The following ATAD2 variants were observed in gnomAD, a reference collection of about 807,000 sequenced individuals.
ATAD2 encodes the protein ATPase family AAA domain containing 2.
In ATAD2, 62 loss-of-function variants were observed where a neutral mutation model predicts 168.9. The observed-to-expected ratio is 0.37, with a 90% CI of 0.30 to 0.45. The LOEUF is 0.45. Among genes scored for constraint, ATAD2 ranks in the 20% least tolerant of loss-of-function variants. The pLI is 1.00. For synonymous variants in ATAD2, 613 were observed against 571.6 expected, an observed-to-expected ratio of 1.07 and a Z score of -1.03; for missense variants, 1,419 against 1,667.8, an observed-to-expected ratio of 0.85 and a Z score of 2.60.
chr8:123,414,092 CAAAAAAAAAAAA>C (rs57662854), intron 1 of ATAD2, among the ~76,000 whole-genome samples: 1 of 40,620 alleles, frequency 2.5e-5, no homozygotes, highest in East Asian at 7.1e-4. Flanking sequence ...ACTCTTATCT[CAAAAAAAAAAAA>C]AAAAAAAAAA....
chr8:123,323,096 T>C (rs1486018220), intron 26 of ATAD2, 30 bp from the exon 27 acceptor site: 1 of 1,586,676 alleles, frequency 6.3e-7, no homozygotes, highest in African/African-American at 1.4e-5. Context: ...TCAATATGTG[T>C]GAGAGAGAAA....
chr8:123,383,889 G>C (rs1057496803), intron 1 of ATAD2, among the ~76,000 whole-genome samples: 2 of 151,836 alleles, frequency 1.3e-5, no homozygotes, highest in African/African-American at 4.8e-5. Flanking sequence ...AGAGACCATT[G>C]TGGCTAACAT....
At chr8:123,361,244 G>C (rs1169263158) in intron 9 of ATAD2, among the ~76,000 whole-genome samples, 1 of 151,614 alleles carries the variant, frequency 6.6e-6, no homozygotes, top group Admixed American at 6.6e-5. Flanking sequence ...GTGAACCCGG[G>C]AGGTGGTGGT....
At position 123,402,143 on chromosome 8, in the gene ATAD2, C is replaced by A. The variant is rs1813011523; in HGVS notation, c.-2281-968G>T. The A allele has an allele frequency of 4.0e-6, 3 of 748,796 alleles. No homozygotes were observed. The South Asian group carries it at 4.4e-5, about 11-fold the overall frequency. 46.4% of individuals were successfully genotyped at this position (748,796 alleles called of 1,614,324 possible). A position where few individuals can be genotyped will look rare whatever the true frequency, so the allele number is the denominator to read the frequency against. On this transcript the variant is annotated intron_variant, in intron 1 of 28. Coordinates refer to the ATAD2 transcript ENST00000521903. This position sits in a 1 kb window ranked among gnomAD's most constrained non-coding sequence, Gnocchi z 4.8. ...GAGGCCGAGGTGGTGGAGGGGGCAC[C>A]CCCCAGTGTCCACCTTCGGGCATAG... is the stretch of plus-strand genomic sequence containing the variant.
chr8:123,406,214 TAA>T (rs35439454), intron 1 of ATAD2, among the ~76,000 whole-genome samples: 1 of 151,692 alleles, frequency 6.6e-6, no homozygotes, highest in Admixed American at 6.6e-5. Flanking sequence ...GTGTCTCTAC[TAA>T]AAATACAAAA....
chr8:123,377,690 T>TACTG (rs1205585175), intron 2 of ATAD2, among the ~76,000 whole-genome samples: 1 of 152,214 alleles, frequency 6.6e-6, no homozygotes, highest in African/African-American at 2.4e-5. Context: ...TTGCTATATA[T>TACTG]ACTGCTGTGT....
rs779847602 is a variant in ATAD2, at chr8:123,369,136, C to T, written c.971G>A (p.Gly324Asp). 23 of 1,587,496 alleles carry T rather than the reference C, an allele frequency of 1.4e-5. No homozygotes were observed. The South Asian group carries it at 2.5e-4, about 17-fold the overall frequency. ...HQRKPNIFYSGPASPARPRYR... is the reference protein window; with the variant it reads ...HQRKPNIFYSDPASPARPRYR... ...TCTTGGTCTTGCAGGAGAAGCTGGGCCACTATAAAATATGTTGGGCTTTCT... is the reference window on the plus strand; with the variant it reads ...TCTTGGTCTTGCAGGAGAAGCTGGGTCACTATAAAATATGTTGGGCTTTCT... The change falls in exon 8 of 28, where the codon GGC becomes GAC. Residue 324 changes from glycine to aspartate, a missense_variant. Physicochemically the swap from Gly to Asp is moderately conservative, Grantham distance 94. Transcript: ENST00000287394.
chr8:123,328,209 A>T lies in ATAD2; in HGVS notation c.3849T>A (p.Ser1283=). ...DASSSQIIHI[S]DENEGKEMCV... Reference sequence around the variant, plus strand: ...ACGTACCTTTTCCTTCATTTTCATCAGAAATATGTATTATCTGAGAGCTAG... The same window carrying T: ...ACGTACCTTTTCCTTCATTTTCATCTGAAATATGTATTATCTGAGAGCTAG... Residue 1283 remains serine, a synonymous_variant, in exon 25 of 28, where the codon TCT becomes TCA. Coordinates refer to ENST00000287394, the MANE Select transcript of ATAD2 (RefSeq NM_014109.4). 1 of 1,381,288 alleles carries T rather than the reference A, an allele frequency of 7.2e-7. No individual in the cohort carries two copies. Among genetic ancestry groups the T allele is most frequent in the Non-Finnish European group, 9.4e-7 (1 of 1,061,774 alleles). 85.6% of individuals were successfully genotyped at this position (1,381,288 alleles called of 1,614,324 possible). A position where few individuals can be genotyped will look rare whatever the true frequency, so the allele number is the denominator to read the frequency against.
At chr8:123,330,025 T>C (rs1286220688) in intron 24 of ATAD2, among the ~76,000 whole-genome samples, 3 of 137,350 alleles carry the variant, frequency 2.2e-5, no homozygotes, top group African/African-American at 8.1e-5. Flanking sequence ...TCTTGCTCTG[T>C]CACCCAGGCT....
intron 2 of ATAD2, among the ~76,000 whole-genome samples, chr8:123,376,618 T>C (rs184180300): frequency 6.6e-6 from 1 of 152,196 alleles, no homozygotes; most frequent in African/African-American, 2.4e-5. Context: ...GAATTGTGAA[T>C]TGTATGGTGT....
Position 123,369,957 on chromosome 8 carries a change from A to T in ATAD2, c.795T>A (p.Asp265Glu), listed in dbSNP as rs1245743490. Residue 265 changes from aspartate to glutamate, a missense_variant, in exon 7 of 28, where the codon GAT becomes GAA. Physicochemically the swap from Asp to Glu is conservative, Grantham distance 45. This residue lies in a region of ATAD2 where 419 missense variants were observed against 423.5 expected (regional missense o/e 0.99). Transcript: ENST00000287394. ...CATCATCATCATCGTCATCATCATCATCATCTTCATCATCTTCATCTTCAC... is the reference window on the plus strand; with the variant it reads ...CATCATCATCATCGTCATCATCATCTTCATCTTCATCATCTTCATCTTCAC... ...DDGEDEDDED[D>E]DDDDDDDDDD... is the part of the protein sequence containing the mutation. 6 of 1,563,090 alleles carry T rather than the reference A, an allele frequency of 3.8e-6. No homozygotes were observed. In the East Asian group the frequency reaches 1.1e-4, roughly 29 times the overall value.
Position 123,337,629 on chromosome 8 carries a change from T to A in ATAD2, c.3047A>T (p.Asp1016Val). 6.2e-7 allele frequency: 1 copy of A among 1,600,724 alleles called. No individual in the cohort carries two copies. The highest frequency in any genetic ancestry group is 8.5e-7 in the Non-Finnish European group (1 of 1,174,108). Residue 1016 changes from aspartate (D) to valine (V), a missense_variant, in exon 21 of 28, where the codon GAT (aspartate) becomes GTT (valine). Around this residue, in one of 5 missense-constraint regions of ATAD2, gnomAD observed 545 missense variants for 724.9 expected, o/e 0.75. Transcript: ENST00000287394. ...FRVFTKPVDP[D>V]EVPDYVTVIK... ...ATCCAAAGATTAAACTAATACCTCATCAGGGTCAACAGGCTTAGTAAACAC... is the reference window on the plus strand; with the variant it reads ...ATCCAAAGATTAAACTAATACCTCAACAGGGTCAACAGGCTTAGTAAACAC...
At chr8:123,357,855 G>A in intron 11 of ATAD2, 119 bp from the exon 12 acceptor site, 2 of 1,022,464 alleles carry the variant, frequency 2.0e-6, no homozygotes, top group Non-Finnish European at 2.7e-6. Flanking sequence ...TAAGACAACT[G>A]AATTATGGTA....
chr8:123,413,304 G>T (rs1378359860), intron 1 of ATAD2, among the ~76,000 whole-genome samples: 2 of 149,690 alleles, frequency 1.3e-5, no homozygotes, highest in Non-Finnish European at 3.0e-5. Context: ...TTGGAATGGA[G>T]CTCAGCTCTT....
Position 123,322,941 on chromosome 8 carries a change from A to T in ATAD2, c.4128T>A (p.Ile1376=). The change falls in exon 27 of 28, where the codon ATT becomes ATA. Residue 1376 remains isoleucine, a synonymous_variant. Coordinates refer to ENST00000287394, the MANE Select transcript of ATAD2 (RefSeq NM_014109.4). The part of the protein sequence containing the change: ...HRKDHDKTSL[I]QKMEQEVENF... ...AAGTTTCCACTCAAGAGTTTACCTGAATAAGTGATGTTTTATCATGGTCCT... is the reference window on the plus strand; with the variant it reads ...AAGTTTCCACTCAAGAGTTTACCTGTATAAGTGATGTTTTATCATGGTCCT... The T allele has an allele frequency of 6.2e-7, 1 of 1,612,744 alleles. No homozygotes were observed. The highest frequency in any genetic ancestry group is 8.5e-7 in the Non-Finnish European group (1 of 1,179,528).
chr8:123,348,327 GATTAC>G (rs1450011895), intron 14 of ATAD2, 54 bp from the exon 15 acceptor site: 92 of 1,237,890 alleles, frequency 7.4e-5, no homozygotes, highest in Admixed American at 1.6e-4. Context: ...ATGCTATTCA[GATTAC>G]ATTAATTTTG....
upstream of ATAD2, among the ~76,000 whole-genome samples, chr8:123,398,294 G>C (rs183893401): frequency 7.5e-6 from 1 of 133,162 alleles, no homozygotes; most frequent in African/African-American, 3.0e-5. Flanking sequence ...GCAGTGGCAT[G>C]ATCTCAGCTA....
At chr8:123,387,590 T>G (rs1352862157) in intron 1 of ATAD2, among the ~76,000 whole-genome samples, 1 of 152,188 alleles carries the variant, frequency 6.6e-6, no homozygotes, top group Non-Finnish European at 1.5e-5. Context: ...AGATGTAATA[T>G]TCTCATTTAT....
At chr8:123,389,414 C>A (rs976550237) in intron 1 of ATAD2, among the ~76,000 whole-genome samples, 1 of 149,728 alleles carries the variant, frequency 6.7e-6, no homozygotes, top group Non-Finnish European at 1.5e-5. Context: ...CCAAGGCGGG[C>A]GGATCACGAA....
Sources: allele counts gnomAD v4.1 joint callset (sites outside exome capture counted in the v4.1 genomes callset), GRCh38; gene constraint gnomAD v4.1.1; regional missense constraint gnomAD v4.1.1; non-coding constraint Gnocchi (gnomAD v3.1); transcripts MANE v1.5; gene names NCBI Gene and HGNC (gene_info 2026-07-23, HGNC 2026-07-21).